HRK: variants seen among roughly 807,000 people sequenced by gnomAD.
HRK encodes the protein harakiri, BCL2 interacting protein.
A neutral mutation model predicts 5.9 loss-of-function variants in HRK; 6 were observed. That is an observed-to-expected ratio of 1.02 (90% CI 0.56 to 2.01). The LOEUF (loss-of-function observed/expected upper bound fraction) is 2.01. Ranked by LOEUF, HRK falls within the 30% of genes most tolerant of loss-of-function variation. HRK has a pLI of 0.00. For missense variants in HRK, 133 were observed against 128.3 expected, an observed-to-expected ratio of 1.04 and a Z score of -0.18; for synonymous variants, 85 against 65.1, an observed-to-expected ratio of 1.31 and a Z score of -1.47.
At chr12:116,872,760 G>T (rs926663335) in intron 1 of HRK, among the ~76,000 whole-genome samples, 29 of 151,458 alleles carry the variant, frequency 1.9e-4, no homozygotes, top group South Asian at 1.5e-3. Context: ...GGGTGACAGA[G>T]TAAGACCCCG....
chr12:116,867,748 A>G (rs554897442), intron 1 of HRK: 1 of 152,240 alleles, frequency 6.6e-6, no homozygotes, highest in African/African-American at 2.4e-5. Flanking sequence ...ATTAAAAAGG[A>G]TGAGGAAAAC....
intron 1 of HRK, among the ~76,000 whole-genome samples, chr12:116,863,171 GGAGAT>G (rs1196700303): frequency 6.6e-6 from 1 of 152,224 alleles, no homozygotes; most frequent in Non-Finnish European, 1.5e-5. Flanking sequence ...AAAGTGGAAG[GGAGAT>G]CACTTTATGG....
chr12:116,875,646 C>T (rs1878899594), intron 1 of HRK, among the ~76,000 whole-genome samples: 1 of 152,112 alleles, frequency 6.6e-6, no homozygotes, highest in South Asian at 2.1e-4. Context: ...TGGGTTCATG[C>T]AATTCTCCTG....
chr12:116,876,540 C>T (rs2137253893), intron 1 of HRK, among the ~76,000 whole-genome samples: 1 of 152,236 alleles, frequency 6.6e-6, no homozygotes, highest in Non-Finnish European at 1.5e-5. Flanking sequence ...CCCCCTCTCT[C>T]CCCTTCCCCT....
intron 1 of HRK, among the ~76,000 whole-genome samples, chr12:116,880,194 A>G (rs1879092852): frequency 6.6e-6 from 1 of 152,168 alleles, no homozygotes; most frequent in African/African-American, 2.4e-5. Flanking sequence ...GAAGGAGCTC[A>G]ATAAATGTTC....
At chr12:116,869,973 T>C (rs1878687989) in intron 1 of HRK, among the ~76,000 whole-genome samples, 1 of 152,086 alleles carries the variant, frequency 6.6e-6, no homozygotes, top group Non-Finnish European at 1.5e-5. Flanking sequence ...CCAGCTACTC[T>C]GGAGGCTGAG....
intron 1 of HRK, among the ~76,000 whole-genome samples, chr12:116,876,344 C>T (rs568943717): frequency 2.0e-4 from 31 of 152,328 alleles, no homozygotes; most frequent in African/African-American, 6.7e-4. Context: ...AGGGGTGCTG[C>T]GAGCTGGGAG....
In HRK at chr12:116,881,011, C is replaced by A; in HGVS notation, c.*21G>T. ...CTCCGGCTGGGTCTCGGCTCCGGCC[C>A]CACCAAGAAGCCCCGCGTTCCTACA... is the stretch of plus-strand genomic sequence containing the variant. On this transcript the variant is annotated 3_prime_UTR_variant, in exon 1 of 2. Coordinates refer to ENST00000257572, the MANE Select transcript of HRK (RefSeq NM_003806.4). The A allele has an allele frequency of 7.6e-7, 1 of 1,320,494 alleles. No homozygotes were observed. Among genetic ancestry groups the A allele is most frequent in the South Asian group, 2.1e-5 (1 of 47,892 alleles). The allele number at this position is 1,320,494 out of a possible 1,614,324, so 81.8% of individuals were successfully genotyped here. A position where few individuals can be genotyped will look rare whatever the true frequency, so the allele number is the denominator to read the frequency against.
chr12:116,867,142 C>CTTT (rs1273115320), intron 1 of HRK, among the ~76,000 whole-genome samples: 1 of 137,074 alleles, frequency 7.3e-6, no homozygotes, highest in Admixed American at 7.3e-5. Context: ...CAAAAAAAAA[C>CTTT]TTTTTTTTTT....
chr12:116,866,940 G>C (rs1878570003), intron 1 of HRK, among the ~76,000 whole-genome samples: 1 of 152,008 alleles, frequency 6.6e-6, no homozygotes, highest in Non-Finnish European at 1.5e-5. Flanking sequence ...CACATTCTTT[G>C]ACCTAACAAT....
chr12:116,867,727 A>G (rs1878596310), intron 1 of HRK: 1 of 152,244 alleles, frequency 6.6e-6, no homozygotes, highest in Non-Finnish European at 1.5e-5. Flanking sequence ...GCAACAGAAC[A>G]TCATGCAGCC....
chr12:116,872,641 G>A (rs905124024), intron 1 of HRK, among the ~76,000 whole-genome samples: 2 of 152,072 alleles, frequency 1.3e-5, no homozygotes, highest in Non-Finnish European at 2.9e-5. Flanking sequence ...CAGGTGTGGT[G>A]GCGTGCACCT....
rs954316034 is a variant in HRK, at chr12:116,858,212, TG to T, written c.*3310del. On this transcript the variant is annotated 3_prime_UTR_variant, in exon 2 of 2. Coordinates refer to ENST00000257572, the MANE Select transcript of HRK (RefSeq NM_003806.4). ...ACCCAAAAAAAAACAAAACAGGAAC[TG>T]GGGTCTAGGACATGCGCACGGCCTA... The T allele has an allele frequency of 7.0e-6, 1 of 142,472 alleles. No individual in the cohort carries two copies. Among genetic ancestry groups the T allele is most frequent in the African/African-American group, 2.6e-5 (1 of 38,016 alleles). 8.8% of individuals were successfully genotyped at this position (142,472 alleles called of 1,614,324 possible).
At position 116,865,129 on chromosome 12, in the gene HRK, T is replaced by C. The variant is rs558730752; in HGVS notation, c.*57-3663A>G. 1.6e-3 allele frequency among the ~76,000 whole-genome samples: 244 copies of C among 152,270 alleles called. 1 individual carries two copies. Among genetic ancestry groups the C allele is most frequent in the African/African-American group, 5.6e-3 (233 of 41,560 alleles). On this transcript the variant is annotated intron_variant, in intron 1 of 1. Transcript: ENST00000257572. ...CGCTTTGGGTATGGAAGGTGAAAGC[T>C]GAAAACCGTAAACCCCAGTGCAGCA... is the stretch of plus-strand genomic sequence containing the variant.
rs1384259789 is a variant in HRK, at chr12:116,858,893, C to T, written c.*2630G>A. On this transcript the variant is annotated 3_prime_UTR_variant, in exon 2 of 2. Transcript: ENST00000257572. ...AATACAACAGGAGAGATGGTGGAGA[C>T]AATATATACATATATATCATGCTTC... 2 of 151,978 alleles carry T rather than the reference C, an allele frequency of 1.3e-5. No homozygotes were observed. The highest frequency in any genetic ancestry group is 4.8e-5 in the African/African-American group (2 of 41,350). The allele number at this position is 151,978 out of a possible 1,614,324, so 9.4% of individuals were successfully genotyped here.
In HRK at chr12:116,859,040, A is replaced by G. The variant is rs1049515293; in HGVS notation, c.*2483T>C. 2.6e-5 allele frequency: 4 copies of G among 152,196 alleles called. No individual in the cohort carries two copies. The highest frequency in any genetic ancestry group is 9.7e-5 in the African/African-American group (4 of 41,442). 9.4% of individuals were successfully genotyped at this position (152,196 alleles called of 1,614,324 possible). A position where few individuals can be genotyped will look rare whatever the true frequency, so the allele number is the denominator to read the frequency against. On this transcript the variant is annotated 3_prime_UTR_variant, in exon 2 of 2. Transcript: ENST00000257572. ...GCACTCCAATGAATGATGTGCAAGG[A>G]AAGGTCAGGATTCGATAAATACGTG...
intron 1 of HRK, among the ~76,000 whole-genome samples, chr12:116,865,136 C>T (rs1441860999): frequency 3.3e-5 from 5 of 152,148 alleles, no homozygotes; most frequent in South Asian, 4.1e-4. Context: ...AGCTGAAAAC[C>T]GTAAACCCCA....
At position 116,858,025 on chromosome 12, in the gene HRK, GC is replaced by G. The variant is rs1221877785; in HGVS notation, c.*3497del. 6.6e-6 allele frequency: 1 copy of G among 150,868 alleles called. No homozygotes were observed. Among genetic ancestry groups the G allele is most frequent in the Non-Finnish European group, 1.5e-5 (1 of 67,946 alleles). 9.3% of individuals were successfully genotyped at this position (150,868 alleles called of 1,614,324 possible). Reference sequence around the variant, plus strand: ...GCTGAGCTCGCACCACTGCACTCCAGCCTGGGTGACAGAGTGAGACTCTGTC... The same window carrying G: ...GCTGAGCTCGCACCACTGCACTCCAGCTGGGTGACAGAGTGAGACTCTGTC... On this transcript the variant is annotated 3_prime_UTR_variant, in exon 2 of 2. Transcript: ENST00000257572.
In HRK at chr12:116,881,049, C is replaced by T. The variant is rs775044240; in HGVS notation, c.259G>A (p.Gly87Ser). The change falls in exon 1 of 2, where the codon GGC becomes AGC. Residue 87 changes from glycine to serine, a missense_variant. Gly to Ser is a moderately conservative substitution (Grantham distance 56, BLOSUM62 0). Coordinates refer to ENST00000257572, the MANE Select transcript of HRK (RefSeq NM_003806.4). Reference sequence around the variant, plus strand: ...CCGCGTTCCTACAAGTTCCGCCTGCCGAGCAGCCAGGCCGCCAGCGCCGCC... The same window carrying T: ...CCGCGTTCCTACAAGTTCCGCCTGCTGAGCAGCCAGGCCGCCAGCGCCGCC... Reference protein sequence around the residue: ...QVAALAAWLLGRRNL With the variant: ...QVAALAAWLLSRRNL The T allele has an allele frequency of 3.7e-6, 5 of 1,357,818 alleles. No homozygotes were observed. The highest frequency in any genetic ancestry group is 4.7e-6 in the Non-Finnish European group (5 of 1,054,906). The allele number at this position is 1,357,818 out of a possible 1,614,324, so 84.1% of individuals were successfully genotyped here. A position where few individuals can be genotyped will look rare whatever the true frequency, so the allele number is the denominator to read the frequency against.
Sources: allele counts gnomAD v4.1 joint callset (sites outside exome capture counted in the v4.1 genomes callset), GRCh38; gene constraint gnomAD v4.1.1; transcripts MANE v1.5; gene names NCBI Gene and HGNC (gene_info 2026-07-23, HGNC 2026-07-21).